PHACTR3: variants seen among roughly 807,000 people sequenced by gnomAD.
PHACTR3 encodes phosphatase and actin regulator 3.
PHACTR3 carries 16 observed loss-of-function variants against 66.8 expected under a neutral mutation model. The observed-to-expected ratio is 0.24, with a 90% confidence interval of 0.16 to 0.36. The LOEUF is 0.36. Ranked by LOEUF, PHACTR3 falls within the 10% of genes least tolerant of loss-of-function variation. The pLI is 1.00. For synonymous variants in PHACTR3, 323 were observed against 292.1 expected (o/e 1.11, Z -1.08); for missense variants, 647 against 719.9 (o/e 0.90, Z 1.16).
intron 1 of PHACTR3, among the ~76,000 whole-genome samples, chr20:59,581,539 T>C (rs527660577): frequency 3.9e-4 from 59 of 152,342 alleles, no homozygotes; most frequent in Non-Finnish European, 6.9e-4. Context: ...GATGACTAAG[T>C]TGATCGCTCC....
chr20:59,785,951 C>A (rs2040900349), intron 7 of PHACTR3, among the ~76,000 whole-genome samples: 1 of 152,158 alleles, frequency 6.6e-6, no homozygotes, highest in South Asian at 2.1e-4. Flanking sequence ...TCCCCTGCAT[C>A]CCCAGGTAGC....
chr20:59,756,663 G>A (rs2039805702), intron 4 of PHACTR3, among the ~76,000 whole-genome samples: 1 of 152,024 alleles, frequency 6.6e-6, no homozygotes, highest in Non-Finnish European at 1.5e-5. Flanking sequence ...CTGACTTTGG[G>A]GCTGGCGTGG....
rs201782505 is a variant in PHACTR3 at position 59,716,206 on chromosome 20, TTGTGTGTGTGTGTGTGTGTGTG to T, written c.119-26865_119-26844del. On this transcript the variant is annotated intron_variant, in intron 1 of 12. Transcript: ENST00000371015. ...CCTGCTTTGCTCTTCCCTTCACCCT[TTGTGTGTGTGTGTGTGTGTGTG>T]TGTGTGTGTGTGTGTGTGTGTGTGT... 1.1e-3 allele frequency among the ~76,000 whole-genome samples: 136 copies of T among 128,656 alleles called. 1 individual carries two copies. Among genetic ancestry groups the T allele is most frequent in the East Asian group, 3.9e-3 (16 of 4,130 alleles). 84.4% of individuals were successfully genotyped at this position (128,656 alleles called of 152,430 possible). A position where few individuals can be genotyped will look rare whatever the true frequency, so the allele number is the denominator to read the frequency against.
At chr20:59,630,413 C>A (rs983452685) in intron 1 of PHACTR3, among the ~76,000 whole-genome samples, 3 of 152,192 alleles carry the variant, frequency 2.0e-5, no homozygotes, top group South Asian at 2.1e-4. Flanking sequence ...AAACTCCTAA[C>A]CTCAGGTGAT....
upstream of PHACTR3, among the ~76,000 whole-genome samples, chr20:59,599,557 CCTCTT>C (rs2033416588): frequency 6.6e-6 from 1 of 152,160 alleles, no homozygotes; most frequent in Non-Finnish European, 1.5e-5. Context: ...CGGGGCTCCT[CCTCTT>C]TGCTGCCTCC....
rs144260611 is a variant in PHACTR3 at position 59,766,831 on chromosome 20, A to G, written c.542-355A>G. On this transcript the variant is annotated intron_variant, in intron 4 of 12. Coordinates refer to ENST00000371015, the MANE Select transcript of PHACTR3 (RefSeq NM_080672.5). Reference sequence around the variant, plus strand: ...GAGTTTTGGAGAGATTTAGTAACTTAAGGTCCAAGAGTAAATTCAGAGACC... The same window carrying G: ...GAGTTTTGGAGAGATTTAGTAACTTGAGGTCCAAGAGTAAATTCAGAGACC... Among the ~76,000 whole-genome samples, 211 of 152,332 alleles carry G rather than the reference A, an allele frequency of 1.4e-3. 4 individuals are homozygous for G. The highest frequency in any genetic ancestry group is 4.8e-3 in the African/African-American group (198 of 41,566).
At chr20:59,789,014 T>G (rs1480448487) in intron 7 of PHACTR3, among the ~76,000 whole-genome samples, 1 of 152,192 alleles carries the variant, frequency 6.6e-6, no homozygotes, top group Non-Finnish European at 1.5e-5. Flanking sequence ...CTGGCCATGA[T>G]GAAGCGATGG....
intron 1 of PHACTR3, among the ~76,000 whole-genome samples, chr20:59,585,531 C>T (rs2032998950): frequency 6.6e-6 from 1 of 152,184 alleles, no homozygotes; most frequent in Non-Finnish European, 1.5e-5. Flanking sequence ...GGACCCCCAG[C>T]ACAGTAATCA....
intron 4 of PHACTR3, among the ~76,000 whole-genome samples, chr20:59,760,050 C>T: frequency 6.6e-6 from 1 of 152,036 alleles, no homozygotes; most frequent in South Asian, 2.1e-4. Context: ...GCAAACCTCC[C>T]ATGAGCTTTG....
chr20:59,638,573 G>GTGGA (rs1227482525), intron 1 of PHACTR3, among the ~76,000 whole-genome samples: 2 of 112,964 alleles, frequency 1.8e-5, no homozygotes, highest in Non-Finnish European at 3.7e-5. Flanking sequence ...GGGTGGGTGG[G>GTGGA]TGCGTGAGTG....
chr20:59,598,835 C>T (rs999673316), intron 1 of PHACTR3, among the ~76,000 whole-genome samples: 4 of 152,130 alleles, frequency 2.6e-5, no homozygotes, highest in South Asian at 2.1e-4. Context: ...CAGCAGAGGG[C>T]GCGGCTGCCC....
intron 1 of PHACTR3, among the ~76,000 whole-genome samples, chr20:59,680,048 CCCT>C (rs1194542057): frequency 6.6e-6 from 1 of 152,076 alleles, no homozygotes; most frequent in African/African-American, 2.4e-5. Context: ...CTCTTTCACT[CCCT>C]CCTCCCTGGC....
At chr20:59,681,379 C>G (rs1414305481) in intron 1 of PHACTR3, among the ~76,000 whole-genome samples, 1 of 151,486 alleles carries the variant, frequency 6.6e-6, no homozygotes, top group Admixed American at 6.6e-5. Context: ...TTTTTTTCTA[C>G]TTTTTCACGT....
At chr20:59,799,802 G>A (rs763450382) in intron 7 of PHACTR3, among the ~76,000 whole-genome samples, 1 of 152,044 alleles carries the variant, frequency 6.6e-6, no homozygotes, top group Non-Finnish European at 1.5e-5. Context: ...TGCACTTAAT[G>A]ATTATTTTAT....
At chr20:59,812,851 G>A (rs528962964) in intron 8 of PHACTR3, among the ~76,000 whole-genome samples, 2 of 152,154 alleles carry the variant, frequency 1.3e-5, no homozygotes, top group Admixed American at 6.5e-5. Context: ...GTGATGCCGA[G>A]CAGGGACCAT....
At chr20:59,678,260 G>A (rs894814893) in intron 1 of PHACTR3, among the ~76,000 whole-genome samples, 1 of 152,122 alleles carries the variant, frequency 6.6e-6, no homozygotes, top group African/African-American at 2.4e-5. Flanking sequence ...TCAACACATC[G>A]TTGTTATATA....
intron 1 of PHACTR3, among the ~76,000 whole-genome samples, chr20:59,635,287 T>C (rs2034856310): frequency 6.8e-6 from 1 of 146,440 alleles, no homozygotes; most frequent in Non-Finnish European, 1.5e-5. Flanking sequence ...CAGGCTGGAG[T>C]GCAATGGCGC....
intron 1 of PHACTR3, among the ~76,000 whole-genome samples, chr20:59,651,217 T>G (rs567370755): frequency 6.6e-6 from 1 of 152,174 alleles, no homozygotes; most frequent in African/African-American, 2.4e-5. Context: ...AGTGAGACTT[T>G]GTCTAAAGTA....
intron 1 of PHACTR3, among the ~76,000 whole-genome samples, chr20:59,695,499 AC>A (rs1188783056): frequency 6.6e-6 from 1 of 152,172 alleles, no homozygotes; most frequent in African/African-American, 2.4e-5. Flanking sequence ...AGTCAACTAA[AC>A]CTTTTTTCTT....
Sources: allele counts gnomAD v4.1 joint callset (sites outside exome capture counted in the v4.1 genomes callset), GRCh38; gene constraint gnomAD v4.1.1; transcripts MANE v1.5; gene names NCBI Gene and HGNC (gene_info 2026-07-23, HGNC 2026-07-21).